FTO: variants seen among roughly 807,000 people sequenced by gnomAD.
FTO encodes the protein FTO alpha-ketoglutarate dependent dioxygenase.
Under a neutral mutation model 63.9 loss-of-function variants are expected in FTO, and 47 were observed. The observed-to-expected ratio is 0.74, with a 90% CI of 0.58 to 0.94. FTO has a LOEUF of 0.94. Among genes scored for constraint, FTO ranks in the 40% least tolerant of loss-of-function variants. The pLI is 0.00. For missense variants in FTO, 562 were observed against 618.1 expected (o/e 0.91, Z 0.96); for synonymous variants, 207 against 224.4 (o/e 0.92, Z 0.69).
At chr16:53,955,882 G>A (rs1454350883) in intron 8 of FTO, among the ~76,000 whole-genome samples, 2 of 152,156 alleles carry the variant, frequency 1.3e-5, no homozygotes, top group African/African-American at 4.8e-5. Context: ...GATGGCTCAT[G>A]ATTGTAATCC....
At chr16:54,034,164 T>C (rs2144233094) in intron 8 of FTO, 1 of 152,310 alleles carries the variant, frequency 6.6e-6, no homozygotes, top group East Asian at 1.9e-4. Flanking sequence ...AAGGTATATG[T>C]GAAATCTTGC....
At chr16:53,915,276 A>G (rs2081835336) in intron 7 of FTO, among the ~76,000 whole-genome samples, 1 of 152,198 alleles carries the variant, frequency 6.6e-6, no homozygotes, top group South Asian at 2.1e-4. Context: ...TTAACACTTT[A>G]CATTCCTGTT....
chr16:53,935,254 T>C (rs2082362650), intron 8 of FTO, among the ~76,000 whole-genome samples: 1 of 152,210 alleles, frequency 6.6e-6, no homozygotes, highest in South Asian at 2.1e-4. Context: ...CATTTATTGA[T>C]AGACATAATA....
At chr16:53,881,714 A>T (rs975140159) in intron 6 of FTO, among the ~76,000 whole-genome samples, 1 of 152,192 alleles carries the variant, frequency 6.6e-6, no homozygotes, top group African/African-American at 2.4e-5. Flanking sequence ...TATTTGCTTT[A>T]TCTTTGGACT....
In FTO at chr16:53,704,194, A is replaced by G. The variant is rs752817421; in HGVS notation, c.10A>G (p.Thr4Ala). The G allele has an allele frequency of 1.8e-5, 28 of 1,551,340 alleles. No homozygotes were observed. The Middle Eastern group carries it at 6.7e-4, about 37-fold the overall frequency. MKR[T>A]PTAEEREREA... ...CGGCTTTAGTGGCAGCATGAAGCGC[A>G]CCCCGACTGCCGAGGAACGAGAGCG... Residue 4 changes from threonine (T) to alanine (A), a missense_variant, in exon 1 of 9, where the codon ACC becomes GCC. Thr to Ala is a moderately conservative substitution (Grantham distance 58). Transcript: ENST00000471389.
In FTO at chr16:53,911,165, A is replaced by G. The variant is rs571069104; in HGVS notation, c.1239+22214A>G. On this transcript the variant is annotated intron_variant, in intron 7 of 8. Transcript: ENST00000471389. The stretch of plus-strand genomic sequence containing the variant: ...CATGTGCCAGGCAGTGTTCTCTCAT[A>G]TGTTAACTCAGGCTTGAAAGCACTT... 1.1e-4 allele frequency: 61 copies of G among 549,990 alleles called. 1 individual carries two copies. Among genetic ancestry groups the G allele is most frequent in the Non-Finnish European group, 2.0e-4 (61 of 307,610 alleles). 34.1% of individuals were successfully genotyped at this position (549,990 alleles called of 1,614,324 possible).
intron 8 of FTO, chr16:53,979,569 G>A (rs528605057): frequency 8.7e-5 from 34 of 392,428 alleles, no homozygotes; most frequent in Middle Eastern, 6.4e-4. Flanking sequence ...GTGTGTGTGC[G>A]CGCGTGTGTG....
At chr16:53,869,524 A>G (rs898465380) in intron 4 of FTO, among the ~76,000 whole-genome samples, 7 of 141,508 alleles carry the variant, frequency 4.9e-5, no homozygotes, top group African/African-American at 1.9e-4. Flanking sequence ...CACCTATTGC[A>G]GTTGTCCCAT....
At chr16:53,908,730 G>GA (rs1430404534) in intron 7 of FTO, among the ~76,000 whole-genome samples, 1 of 152,180 alleles carries the variant, frequency 6.6e-6, no homozygotes, top group Non-Finnish European at 1.5e-5. Flanking sequence ...TTGGTGCCTA[G>GA]AGTCACAATC....
intron 1 of FTO, among the ~76,000 whole-genome samples, chr16:53,743,268 A>T (rs1343664287): frequency 6.6e-6 from 1 of 152,166 alleles, no homozygotes; most frequent in Non-Finnish European, 1.5e-5. Flanking sequence ...TTGCTTGGCC[A>T]CTAGGTGGCT....
chr16:54,073,091 A>G (rs1295607060), intron 8 of FTO, among the ~76,000 whole-genome samples: 2 of 152,198 alleles, frequency 1.3e-5, no homozygotes, highest in Non-Finnish European at 2.9e-5. Context: ...TTCTCAATCA[A>G]TAAACCAATA....
chr16:53,828,880 A>G (rs1211857895), intron 3 of FTO, among the ~76,000 whole-genome samples: 1 of 151,962 alleles, frequency 6.6e-6, no homozygotes, highest in Non-Finnish European at 1.5e-5. Context: ...CAGGGATTTT[A>G]TTTTATTATT....
At chr16:53,756,353 A>G (rs1191256347) in intron 1 of FTO, among the ~76,000 whole-genome samples, 1 of 152,170 alleles carries the variant, frequency 6.6e-6, no homozygotes, top group African/African-American at 2.4e-5. Flanking sequence ...TAGAGGCCCT[A>G]GGGATTCGAT....
chr16:53,753,081 TGAAACC>T (rs2076837066), intron 1 of FTO, among the ~76,000 whole-genome samples: 3 of 151,768 alleles, frequency 2.0e-5, no homozygotes, highest in Non-Finnish European at 2.9e-5. Flanking sequence ...GGCAACATGG[TGAAACC>T]TTGTCTCTAC....
At chr16:53,718,649 C>A (rs559913059) in intron 1 of FTO, among the ~76,000 whole-genome samples, 1 of 149,700 alleles carries the variant, frequency 6.7e-6, no homozygotes, top group South Asian at 2.1e-4. Context: ...ATCTTTGATT[C>A]TTACTTTGTT....
At chr16:53,990,262 A>G (rs1001284799) in intron 8 of FTO, among the ~76,000 whole-genome samples, 3 of 152,204 alleles carry the variant, frequency 2.0e-5, no homozygotes, top group Admixed American at 2.0e-4. Context: ...TACATTCAAT[A>G]AATACCACTT....
At chr16:53,770,722 A>G (rs1451817406) in intron 1 of FTO, among the ~76,000 whole-genome samples, 1 of 152,158 alleles carries the variant, frequency 6.6e-6, no homozygotes. Context: ...TACTGCATTG[A>G]ATAACCCAGG....
intron 1 of FTO, among the ~76,000 whole-genome samples, chr16:53,763,870 A>G (rs2077129171): frequency 6.6e-6 from 1 of 152,174 alleles, no homozygotes; most frequent in South Asian, 2.1e-4. Context: ...CCCAGTTGAA[A>G]CAGCAGGGGC....
chr16:53,881,121 C>CT (rs1251111762), intron 6 of FTO, among the ~76,000 whole-genome samples: 1 of 110,946 alleles, frequency 9.0e-6, no homozygotes, highest in African/African-American at 5.9e-5. Context: ...GACTCCGTCT[C>CT]AAAATAAATA....
Sources: gnomAD v4.1 joint callset for allele counts (sites outside exome capture counted in the v4.1 genomes callset) on GRCh38, gnomAD v4.1.1 for gene constraint, MANE v1.5 for transcripts, NCBI Gene and HGNC (gene_info 2026-07-23, HGNC 2026-07-21) for gene names.